The following KCNH8 variants were observed in gnomAD, a reference collection of about 807,000 sequenced individuals.
KCNH8 encodes voltage-gated delayed rectifier potassium channel KCNH8.
In KCNH8, 70 loss-of-function variants were observed where a neutral mutation model predicts 103.6. That is an observed-to-expected ratio of 0.68 (90% CI 0.56 to 0.82). The LOEUF is 0.82. Among genes scored for constraint, KCNH8 ranks in the 40% least tolerant of loss-of-function variants. The pLI is 0.00. For synonymous variants in KCNH8, 498 were observed against 489.4 expected (o/e 1.02, Z -0.23); for missense variants, 1,217 against 1,329.9 (o/e 0.92, Z 1.32).
At chr3:19,506,624 C>G (rs1434736823) in intron 11 of KCNH8, among the ~76,000 whole-genome samples, 1 of 152,094 alleles carries the variant, frequency 6.6e-6, no homozygotes, top group East Asian at 1.9e-4. Flanking sequence ...GTTTGGCTCT[C>G]CTGGGCTGCA....
At chr3:19,483,361 T>G (rs1575122165) in intron 11 of KCNH8, among the ~76,000 whole-genome samples, 1 of 152,300 alleles carries the variant, frequency 6.6e-6, no homozygotes, top group South Asian at 2.1e-4. Flanking sequence ...ACTATACAGT[T>G]TCTGTCCTAG....
At chr3:19,367,804 A>G (rs2066033927) in intron 5 of KCNH8, among the ~76,000 whole-genome samples, 1 of 152,000 alleles carries the variant, frequency 6.6e-6, no homozygotes, top group Admixed American at 6.6e-5. Flanking sequence ...CAAGTCATGT[A>G]TAATTAAACA....
At chr3:19,484,885 G>T (rs889291598) in intron 11 of KCNH8, among the ~76,000 whole-genome samples, 1 of 152,124 alleles carries the variant, frequency 6.6e-6, no homozygotes, top group Admixed American at 6.5e-5. Flanking sequence ...GGAAGTCTCT[G>T]TAGTATAGGA....
intron 2 of KCNH8, among the ~76,000 whole-genome samples, chr3:19,266,071 A>G (rs1001032664): frequency 6.6e-5 from 10 of 151,986 alleles, no homozygotes; most frequent in Non-Finnish European, 1.5e-4. Context: ...GTGTCCTGCA[A>G]TCCCCAAGTG....
intron 1 of KCNH8, among the ~76,000 whole-genome samples, chr3:19,197,620 TC>T (rs983772002): frequency 4.6e-5 from 7 of 151,920 alleles, no homozygotes; most frequent in South Asian, 2.1e-4. Flanking sequence ...CTTTGCCACT[TC>T]CTTTCTCTAC....
At chr3:19,153,292 C>G (rs1472303530) in intron 1 of KCNH8, among the ~76,000 whole-genome samples, 1 of 152,106 alleles carries the variant, frequency 6.6e-6, no homozygotes, top group Non-Finnish European at 1.5e-5. Context: ...GTCTTAAAAG[C>G]TAACATCAGA....
In KCNH8 at chr3:19,222,259, G is replaced by A. The variant is rs778005965; in HGVS notation, c.77-31395G>A. On this transcript the variant is annotated intron_variant, in intron 1 of 15. Coordinates refer to ENST00000328405, the MANE Select transcript of KCNH8 (RefSeq NM_144633.3). ...TTTTGTCTTTTTGCCTTCTACATGG[G>A]GCTATGCCCTTCTACATAAAACATA... Among the ~76,000 whole-genome samples the A allele has an allele frequency of 8.5e-4, 129 of 152,010 alleles. 1 individual carries two copies. Among genetic ancestry groups the A allele is most frequent in the Non-Finnish European group, 1.4e-3 (97 of 67,978 alleles).
chr3:19,510,259 C>A, intron 11 of KCNH8, 104 bp from the exon 12 acceptor site: 1 of 743,056 alleles, frequency 1.3e-6, no homozygotes. Flanking sequence ...CCTTCCCTCC[C>A]ACAAACTCTG....
chr3:19,322,443 A>G (rs1428997652), intron 3 of KCNH8, among the ~76,000 whole-genome samples: 1 of 152,138 alleles, frequency 6.6e-6, no homozygotes, highest in Non-Finnish European at 1.5e-5. Context: ...TCTTTCCTTC[A>G]TTTATGAAGC....
intron 14 of KCNH8, among the ~76,000 whole-genome samples, chr3:19,516,955 T>C (rs1186152252): frequency 6.6e-6 from 1 of 151,960 alleles, no homozygotes; most frequent in Non-Finnish European, 1.5e-5. Context: ...TTCAAACCTA[T>C]TGCATAATTA....
At chr3:19,459,261 C>A (rs1421416206) in intron 11 of KCNH8, among the ~76,000 whole-genome samples, 1 of 151,288 alleles carries the variant, frequency 6.6e-6, no homozygotes, top group East Asian at 1.9e-4. Context: ...GCCAAAATTT[C>A]TTTGTTGTTG....
At chr3:19,239,740 A>C (rs2064114635) in intron 1 of KCNH8, among the ~76,000 whole-genome samples, 1 of 152,072 alleles carries the variant, frequency 6.6e-6, no homozygotes, top group Non-Finnish European at 1.5e-5. Context: ...AATGCTTTAT[A>C]ATGTGGCTAC....
At position 19,240,152 on chromosome 3, in the gene KCNH8, T is replaced by C. The variant is rs187569021; in HGVS notation, c.77-13502T>C. ...ACTTTCCGCTTTCTTGGCTACTCTT[T>C]TCAGGCTCATTTGATGGTTTCTCCT... On this transcript the variant is annotated intron_variant, in intron 1 of 15. Coordinates refer to ENST00000328405, the MANE Select transcript of KCNH8 (RefSeq NM_144633.3). Among the ~76,000 whole-genome samples the C allele has an allele frequency of 6.6e-5, 10 of 152,328 alleles. No homozygotes were observed. In the East Asian group the frequency reaches 1.9e-3, roughly 29 times the overall value.
At chr3:19,459,280 A>T (rs1013549245) in intron 11 of KCNH8, among the ~76,000 whole-genome samples, 3 of 151,524 alleles carry the variant, frequency 2.0e-5, no homozygotes, top group Non-Finnish European at 4.4e-5. Context: ...TGTTTTTTTT[A>T]AAATAGCCCT....
At chr3:19,308,263 CAG>C (rs1450018782) in intron 3 of KCNH8, among the ~76,000 whole-genome samples, 1 of 147,022 alleles carries the variant, frequency 6.8e-6, no homozygotes, top group Non-Finnish European at 1.5e-5. Flanking sequence ...TGACATAAAA[CAG>C]GGAACAGGGA....
At chr3:19,321,083 G>A (rs1296059953) in intron 3 of KCNH8, among the ~76,000 whole-genome samples, 1 of 151,434 alleles carries the variant, frequency 6.6e-6, no homozygotes, top group Non-Finnish European at 1.5e-5. Context: ...CTTCTTTTTG[G>A]CTTAATCTTG....
chr3:19,289,884 A>G lies in KCNH8; in HGVS notation c.442+8555A>G, dbSNP rs1489790193. 2.0e-5 allele frequency among the ~76,000 whole-genome samples: 3 copies of G among 152,252 alleles called. No individual in the cohort carries two copies. In the East Asian group the frequency reaches 5.8e-4, roughly 29 times the overall value. Reference sequence around the variant, plus strand: ...TGATTCTTCCTACCCATGAGCATGGAATATTCTTCCATTTGTTTGTATCCT... The same window carrying G: ...TGATTCTTCCTACCCATGAGCATGGGATATTCTTCCATTTGTTTGTATCCT... On this transcript the variant is annotated intron_variant, in intron 3 of 15. Transcript: ENST00000328405.
At chr3:19,206,168 GTA>G (rs750765830) in intron 1 of KCNH8, among the ~76,000 whole-genome samples, 28 of 139,142 alleles carry the variant, frequency 2.0e-4, no homozygotes, top group Admixed American at 3.6e-4. Context: ...TGGTGTGTGT[GTA>G]TATATATATA....
intron 8 of KCNH8, among the ~76,000 whole-genome samples, chr3:19,440,547 A>G (rs989833156): frequency 1.3e-5 from 2 of 152,120 alleles, no homozygotes; most frequent in Non-Finnish European, 2.9e-5. Context: ...AAGATCTTGT[A>G]AGGCTTATTT....
Sources: gnomAD v4.1 joint callset for allele counts (sites outside exome capture counted in the v4.1 genomes callset) on GRCh38, gnomAD v4.1.1 for gene constraint, MANE v1.5 for transcripts, NCBI Gene and HGNC (gene_info 2026-07-23, HGNC 2026-07-21) for gene names.